CCDC12: variants seen among roughly 807,000 people sequenced by gnomAD.
The protein encoded by CCDC12 is coiled-coil domain containing 12.
In CCDC12, 28 loss-of-function variants were observed where a neutral mutation model predicts 25.7. That is an observed-to-expected ratio of 1.09 (90% CI 0.81 to 1.50). CCDC12 has a LOEUF of 1.50. Ranked by LOEUF, CCDC12 falls within the 40% of genes most tolerant of loss-of-function variation. CCDC12 has a pLI of 0.00. For synonymous variants in CCDC12, 75 were observed against 87.7 expected (o/e 0.86, Z 0.81); for missense variants, 198 against 210.0 (o/e 0.94, Z 0.35).
At chr3:46,973,459 C>T (rs148711762) in intron 1 of CCDC12, among the ~76,000 whole-genome samples, 54,727 of 148,140 alleles carry the variant, frequency 0.37, 10,611 homozygotes, top group Middle Eastern at 0.53. Flanking sequence ...TGCACCATTG[C>T]ATTCCAGCCT....
At chr3:46,972,552 A>C (rs1053862311) in intron 1 of CCDC12, among the ~76,000 whole-genome samples, 11 of 152,184 alleles carry the variant, frequency 7.2e-5, no homozygotes, top group African/African-American at 2.7e-4. Context: ...GATGTTCAAC[A>C]TCACTCATCA....
At chr3:46,932,330 G>T (rs4683296) in intron 2 of CCDC12, among the ~76,000 whole-genome samples, 2 of 152,054 alleles carry the variant, frequency 1.3e-5, no homozygotes, top group South Asian at 2.1e-4. Flanking sequence ...CAGGCTATGA[G>T]GGCAAAGGAC....
intron 1 of CCDC12, among the ~76,000 whole-genome samples, chr3:46,961,781 T>C (rs1251588478): frequency 6.6e-6 from 1 of 152,212 alleles, no homozygotes; most frequent in East Asian, 1.9e-4. Flanking sequence ...CTACTATATG[T>C]ACAATGACAA....
chr3:46,973,465 A>G (rs2034868833), intron 1 of CCDC12, among the ~76,000 whole-genome samples: 1 of 150,850 alleles, frequency 6.6e-6, no homozygotes. Flanking sequence ...ATTGCATTCC[A>G]GCCTGGGCAA....
intron 2 of CCDC12, among the ~76,000 whole-genome samples, chr3:46,932,099 A>G (rs2033250870): frequency 6.6e-6 from 1 of 152,200 alleles, no homozygotes; most frequent in Non-Finnish European, 1.5e-5. Context: ...ACTGCTCTAG[A>G]GGCTGATCTG....
chr3:46,934,806 C>T (rs935504717), intron 2 of CCDC12, among the ~76,000 whole-genome samples: 6 of 152,262 alleles, frequency 3.9e-5, no homozygotes, highest in African/African-American at 1.4e-4. Flanking sequence ...CTGCCCATGA[C>T]TGGGACATCA....
At chr3:46,922,386 G>A in intron 5 of CCDC12, 74 bp from the exon 6 acceptor site, 1 of 1,522,656 alleles carries the variant, frequency 6.6e-7, no homozygotes, top group East Asian at 2.3e-5. Context: ...CTCCCCTCTT[G>A]CAGCCCTCTG....
intron 1 of CCDC12, among the ~76,000 whole-genome samples, chr3:46,959,553 T>G (rs12630534): frequency 6.6e-6 from 1 of 151,954 alleles, no homozygotes; most frequent in East Asian, 1.9e-4. Context: ...TCATGCCTTG[T>G]TCCTTCCCTC....
At chr3:46,959,788 T>C (rs758791486) in intron 1 of CCDC12, among the ~76,000 whole-genome samples, 2 of 152,202 alleles carry the variant, frequency 1.3e-5, no homozygotes, top group African/African-American at 2.4e-5. Flanking sequence ...GTTCTGCTCC[T>C]GCCCCTCCTC....
chr3:46,975,541 T>C (rs2034944823), intron 1 of CCDC12, among the ~76,000 whole-genome samples: 1 of 137,248 alleles, frequency 7.3e-6, no homozygotes, highest in Non-Finnish European at 1.5e-5. Context: ...TTTTTTTTTT[T>C]TTTTTTTGAG....
chr3:46,957,539 C>T (rs1032575811), intron 1 of CCDC12, among the ~76,000 whole-genome samples: 11 of 152,192 alleles, frequency 7.2e-5, no homozygotes, highest in Non-Finnish European at 1.2e-4. Flanking sequence ...GCCTTGGCTA[C>T]ACATGGCCAT....
rs186172037 is a variant in CCDC12 at position 46,925,618 on chromosome 3, C to T, written c.165-83G>A. Reference sequence around the variant, plus strand: ...ATTCATTCATACAATTTGCATAGCCCGTGAATTCCTGAATTTCCTCTGCAC... The same window carrying T: ...ATTCATTCATACAATTTGCATAGCCTGTGAATTCCTGAATTTCCTCTGCAC... On this transcript the variant is annotated intron_variant, in intron 2 of 6. Transcript: ENST00000683445. The T allele has an allele frequency of 4.7e-4, 545 of 1,160,666 alleles. 1 individual carries two copies. Among genetic ancestry groups the T allele is most frequent in the Admixed American group, 1.5e-3 (54 of 37,208 alleles). 71.9% of individuals were successfully genotyped at this position (1,160,666 alleles called of 1,614,324 possible). A position where few individuals can be genotyped will look rare whatever the true frequency, so the allele number is the denominator to read the frequency against.
chr3:46,941,957 G>A (rs1359095588), intron 1 of CCDC12, among the ~76,000 whole-genome samples: 1 of 152,178 alleles, frequency 6.6e-6, no homozygotes, highest in African/African-American at 2.4e-5. Flanking sequence ...AGAGGCAAGG[G>A]GAATTAGTCT....
At chr3:46,941,844 C>A (rs950412689) in intron 1 of CCDC12, among the ~76,000 whole-genome samples, 2 of 152,218 alleles carry the variant, frequency 1.3e-5, no homozygotes, top group African/African-American at 4.8e-5. Context: ...AGGCCAGAGT[C>A]CTCTCCAGAA....
At chr3:46,952,923 T>G (rs977051896) in intron 1 of CCDC12, among the ~76,000 whole-genome samples, 8 of 152,192 alleles carry the variant, frequency 5.3e-5, no homozygotes, top group African/African-American at 1.9e-4. Flanking sequence ...GCTTCAAGCA[T>G]AGGCTGATTC....
chr3:46,951,141 A>G (rs1441297369), intron 1 of CCDC12, among the ~76,000 whole-genome samples: 5 of 152,216 alleles, frequency 3.3e-5, no homozygotes, highest in Non-Finnish European at 5.9e-5. Flanking sequence ...TCTCAAAAAA[A>G]TTAAAAATTA....
intron 2 of CCDC12, among the ~76,000 whole-genome samples, chr3:46,937,647 G>A (rs1004305486): frequency 4.7e-4 from 72 of 152,196 alleles, no homozygotes; most frequent in African/African-American, 1.6e-3. Context: ...CAATCCATAA[G>A]CATCCTGCAT....
intron 1 of CCDC12, among the ~76,000 whole-genome samples, chr3:46,950,538 C>T (rs1394199530): frequency 2.0e-5 from 3 of 148,868 alleles, no homozygotes; most frequent in Non-Finnish European, 4.4e-5. Flanking sequence ...AGGTTGGTTT[C>T]GAGCTCCTGG....
At chr3:46,979,692 G>A, upstream of CCDC12, 1 of 313,994 alleles carries the variant, frequency 3.2e-6, no homozygotes, top group Non-Finnish European at 5.8e-6. Flanking sequence ...GAGCAGACTT[G>A]GGTGGCTCTG....
Sources: allele counts gnomAD v4.1 joint callset (sites outside exome capture counted in the v4.1 genomes callset), GRCh38; gene constraint gnomAD v4.1.1; transcripts MANE v1.5; gene names NCBI Gene and HGNC (gene_info 2026-07-23, HGNC 2026-07-21).